Variants in ARHGAP27 observed in about 807,000 individuals in gnomAD.
ARHGAP27 encodes rho GTPase-activating protein 27.
A neutral mutation model predicts 102.0 loss-of-function variants in ARHGAP27; 53 were observed. The observed-to-expected ratio is 0.52, with a 90% CI of 0.42 to 0.65. The LOEUF is 0.65. Among genes scored for constraint, ARHGAP27 ranks in the 30% least tolerant of loss-of-function variants. The pLI, the probability that ARHGAP27 is intolerant of heterozygous loss-of-function variation, is 0.00. For missense variants in ARHGAP27, 1,117 were observed against 1,256.2 expected (o/e 0.89, Z 1.68); for synonymous variants, 525 against 542.8 (o/e 0.97, Z 0.46).
At chr17:45,420,950 CA>C (rs201730388) in intron 4 of ARHGAP27, among the ~76,000 whole-genome samples, 3,123 of 68,706 alleles carry the variant, frequency 0.045, 103 homozygotes, top group African/African-American at 0.18. Flanking sequence ...GACTCCATCT[CA>C]AAAAAAAAAA....
intron 4 of ARHGAP27, among the ~76,000 whole-genome samples, chr17:45,426,766 G>A (rs2049648552): frequency 6.6e-6 from 1 of 151,992 alleles, no homozygotes; most frequent in African/African-American, 2.4e-5. Context: ...CTCTCCTTCT[G>A]CCCGTTGTCC....
At chr17:45,403,805 A>G in intron 10 of ARHGAP27, 96 bp from the exon 11 acceptor site, 1 of 1,156,582 alleles carries the variant, frequency 8.6e-7, no homozygotes. Flanking sequence ...GCTTAGGAAC[A>G]CAGGCTAGGG....
intron 4 of ARHGAP27, among the ~76,000 whole-genome samples, chr17:45,416,540 A>G (rs1468189583): frequency 6.7e-6 from 1 of 148,696 alleles, no homozygotes; most frequent in Non-Finnish European, 1.5e-5. Context: ...GCAATAAGTA[A>G]CTGTATTCTT....
chr17:45,419,512 G>A (rs7209100), intron 4 of ARHGAP27, among the ~76,000 whole-genome samples: 28 of 119,744 alleles, frequency 2.3e-4, no homozygotes, highest in African/African-American at 8.3e-4. Context: ...TATGCTGTAT[G>A]TATATATATA....
At chr17:45,402,461 A>G (rs1043676013) in intron 12 of ARHGAP27, among the ~76,000 whole-genome samples, 5 of 152,164 alleles carry the variant, frequency 3.3e-5, no homozygotes, top group Admixed American at 6.5e-5. Context: ...GGTAGCCCCA[A>G]TTCTTCCCAG....
At chr17:45,421,401 G>A (rs1482859333) in intron 4 of ARHGAP27, among the ~76,000 whole-genome samples, 1 of 151,756 alleles carries the variant, frequency 6.6e-6, no homozygotes, top group Admixed American at 6.6e-5. Context: ...AGGATCACTT[G>A]AACCCAGGAG....
intron 13 of ARHGAP27, chr17:45,397,354 C>T (rs2045882104): frequency 2.6e-6 from 3 of 1,174,396 alleles, no homozygotes; most frequent in Non-Finnish European, 3.2e-6. Context: ...TTCCTCAATA[C>T]GTGGCTCCCA....
chr17:45,424,552 G>A (rs1413592026), intron 4 of ARHGAP27, among the ~76,000 whole-genome samples: 1 of 152,076 alleles, frequency 6.6e-6, no homozygotes, highest in African/African-American at 2.4e-5. Context: ...ACCCCTCCCT[G>A]TACTGGACGC....
At chr17:45,423,490 C>T (rs2049247883) in intron 4 of ARHGAP27, among the ~76,000 whole-genome samples, 1 of 152,190 alleles carries the variant, frequency 6.6e-6, no homozygotes, top group Non-Finnish European at 1.5e-5. Flanking sequence ...TCTGCCAACA[C>T]CTTCCTCCTC....
At chr17:45,400,684 G>A (rs925900300) in intron 12 of ARHGAP27, among the ~76,000 whole-genome samples, 8 of 152,094 alleles carry the variant, frequency 5.3e-5, no homozygotes, top group African/African-American at 1.9e-4. Flanking sequence ...GGAGGCCAAG[G>A]CAGGTAAATC....
At chr17:45,416,222 ATT>A (rs1273473109) in intron 4 of ARHGAP27, among the ~76,000 whole-genome samples, 3 of 135,466 alleles carry the variant, frequency 2.2e-5, no homozygotes, top group African/African-American at 2.7e-5. Flanking sequence ...ATTTTTTTGT[ATT>A]TTTTTTTTTT....
intron 7 of ARHGAP27, 21 bp from the exon 8 acceptor site, chr17:45,404,549 G>A (rs746583272): frequency 1.1e-5 from 18 of 1,613,432 alleles, no homozygotes; most frequent in Admixed American, 1.7e-5. Flanking sequence ...AGACACAGTC[G>A]TATATGATCT....
chr17:45,403,869 C>A, intron 10 of ARHGAP27, 160 bp from the exon 11 acceptor site: 1 of 1,017,682 alleles, frequency 9.8e-7, no homozygotes. Flanking sequence ...GCCGAGGGAC[C>A]TTGAGCAAGT....
intron 4 of ARHGAP27, among the ~76,000 whole-genome samples, chr17:45,426,775 C>T (rs1001464982): frequency 4.6e-5 from 7 of 152,180 alleles, no homozygotes; most frequent in Non-Finnish European, 1.0e-4. Flanking sequence ...TGCCCGTTGT[C>T]CACACACTCA....
intron 5 of ARHGAP27, 102 bp downstream of exon 5, chr17:45,405,574 C>CCAA: frequency 1.4e-6 from 2 of 1,428,344 alleles, no homozygotes; most frequent in Non-Finnish European, 1.9e-6. Context: ...CCCGCCCACC[C>CCAA]ATCACCACCC....
chr17:45,395,606 G>A lies in ARHGAP27; in HGVS notation c.2520C>T (p.Arg840=). The A allele has an allele frequency of 6.2e-7, 1 of 1,607,858 alleles. No individual in the cohort carries two copies. The highest frequency in any genetic ancestry group is 8.5e-7 in the Non-Finnish European group (1 of 1,177,462). ...CRVIEHGEQN[R]MSVQSVAIVF... The stretch of plus-strand genomic sequence containing the variant: ...CAATGGCCACGCTCTGCACCGACAT[G>A]CGGTTCTGCTCGCCGTGCTCGATCA... The change falls in exon 20 of 20, where the codon CGC becomes CGT. Residue 840 remains arginine (R), a synonymous_variant. Transcript: ENST00000685559.
At chr17:45,397,613 C>T in intron 13 of ARHGAP27, 1 of 301,546 alleles carries the variant, frequency 3.3e-6, no homozygotes, top group Non-Finnish European at 6.1e-6. Flanking sequence ...CTATTGAAAT[C>T]AATCCTTTAA....
chr17:45,403,710 C>G lies in ARHGAP27; in HGVS notation c.1548-1G>C, dbSNP rs778874252. 2 of 1,611,242 alleles carry G rather than the reference C, an allele frequency of 1.2e-6. No individual in the cohort carries two copies. Among genetic ancestry groups the G allele is most frequent in the Non-Finnish European group, 1.7e-6 (2 of 1,178,782 alleles). On this transcript the variant is annotated splice_acceptor_variant, in intron 10 of 19. Coordinates refer to ENST00000685559, the MANE Select transcript of ARHGAP27 (RefSeq NM_001282290.2). LOFTEE classifies it high-confidence loss of function. ...CCAGGAGGCACTCCAGTGCTTCTTC[C>G]TAGGTGGGGGTGGGGAAGTGGGGGT...
intron 7 of ARHGAP27, 23 bp downstream of exon 7, chr17:45,404,578 C>G: frequency 1.2e-6 from 2 of 1,613,614 alleles, no homozygotes; most frequent in Non-Finnish European, 1.7e-6. Context: ...CTCCCCAACA[C>G]CCCCCTTTCC....
Sources: gnomAD v4.1 joint callset for allele counts (sites outside exome capture counted in the v4.1 genomes callset) on GRCh38, gnomAD v4.1.1 for gene constraint, MANE v1.5 for transcripts, NCBI Gene and HGNC (gene_info 2026-07-23, HGNC 2026-07-21) for gene names.